The following DMD variants were observed in gnomAD, a reference collection of about 807,000 sequenced individuals.
DMD encodes the protein mutant dystrophin.
A neutral mutation model predicts 330.1 loss-of-function variants in DMD; 63 were observed. That is an observed-to-expected ratio of 0.19 (90% confidence interval 0.16 to 0.24). The LOEUF (loss-of-function observed/expected upper bound fraction) is 0.24. Ranked by LOEUF, DMD falls within the 10% of genes least tolerant of loss-of-function variation. The pLI is 1.00. For synonymous variants in DMD, 1,223 were observed against 959.8 expected (o/e 1.27, Z -5.07); for missense variants, 3,344 against 2,684.1 (o/e 1.25, Z -5.43).
chrX:31,210,711 T>G (rs1284567819), intron 64 of DMD, among the ~76,000 whole-genome samples: 3 of 112,068 alleles, frequency 2.7e-5, no homozygotes, highest in Non-Finnish European at 5.6e-5. Flanking sequence ...ATAAATGTAG[T>G]TCACATAAAT....
In DMD at chrX:31,239,642, G is replaced by A. The variant is rs1346426280; in HGVS notation, c.9287-16521C>T. 2.7e-5 allele frequency among the ~76,000 whole-genome samples: 3 copies of A among 111,659 alleles called. No individual in the cohort carries two copies. In the East Asian group the frequency reaches 8.4e-4, roughly 31 times the overall value. ...TGCTCCCAATTCGAACAGAGGGCCC[G>A]TGAATTTCTTTAACCTTGACAAACA... On this transcript the variant is annotated intron_variant, in intron 63 of 78. Coordinates refer to ENST00000357033, the MANE Select transcript of DMD (RefSeq NM_004006.3).
chrX:33,020,850 C>G (rs1448465509), intron 1 of DMD, among the ~76,000 whole-genome samples: 2 of 110,904 alleles, frequency 1.8e-5, no homozygotes, highest in Non-Finnish European at 3.8e-5. Flanking sequence ...AAAACTATTT[C>G]GGAGCCTTTC....
At chrX:31,149,354 CT>C (rs1180305191) in intron 74 of DMD, among the ~76,000 whole-genome samples, 1 of 112,246 alleles carries the variant, frequency 8.9e-6, no homozygotes, top group Non-Finnish European at 1.9e-5. Flanking sequence ...CACACTCCAG[CT>C]TTAAATCAAT....
chrX:33,113,768 T>C (rs765733870), intron 1 of DMD, among the ~76,000 whole-genome samples: 14 of 111,861 alleles, frequency 1.3e-4, no homozygotes, highest in Admixed American at 1.9e-4. Flanking sequence ...ACTTTTTTTT[T>C]CCCAAAAGAT....
chrX:31,434,409 A>AGCGC (rs1235059344), intron 60 of DMD, among the ~76,000 whole-genome samples: 38 of 61,284 alleles, frequency 6.2e-4, no homozygotes, highest in African/African-American at 2.7e-3. Flanking sequence ...CCCTTACTGC[A>AGCGC]GCGCGCGCGC....
At chrX:31,913,323 A>C (rs1276998850) in intron 47 of DMD, among the ~76,000 whole-genome samples, 1 of 112,239 alleles carries the variant, frequency 8.9e-6, no homozygotes, top group African/African-American at 3.2e-5. Flanking sequence ...TACAGGATTA[A>C]AAAAAACAGC....
intron 7 of DMD, among the ~76,000 whole-genome samples, chrX:32,794,468 G>T (rs1413738462): frequency 1.8e-5 from 2 of 111,119 alleles, no homozygotes; most frequent in African/African-American, 6.6e-5. Flanking sequence ...AGATGCCTGT[G>T]GTCCCAGCTG....
chrX:32,475,866 T>C (rs2041184749), intron 21 of DMD, among the ~76,000 whole-genome samples: 1 of 111,081 alleles, frequency 9.0e-6, no homozygotes, highest in African/African-American at 3.3e-5. Flanking sequence ...GGATGCCCTT[T>C]ATTTCTTTCT....
At chrX:33,051,125 T>C (rs1251037683) in intron 1 of DMD, among the ~76,000 whole-genome samples, 1 of 112,003 alleles carries the variant, frequency 8.9e-6, no homozygotes, top group Non-Finnish European at 1.9e-5. Context: ...CTAATGTTTT[T>C]ATTTGCATAT....
Position 32,075,285 on chromosome X carries a change from G to T in DMD, c.6439-106771C>A, listed in dbSNP as rs1027678627. Among the ~76,000 whole-genome samples, 3 of 112,000 alleles carry T rather than the reference G, an allele frequency of 2.7e-5. No homozygotes were observed. In the Admixed American group the frequency reaches 2.8e-4, roughly 11 times the overall value. ...GGCTGTAAAAATAATTTATCCATAT[G>T]TAGGATTTTTTTCAGTTGGAGAAAG... On this transcript the variant is annotated intron_variant, in intron 44 of 78. Transcript: ENST00000357033.
At chrX:32,909,150 C>CAAAAAAAAA (rs36075436) in intron 2 of DMD, among the ~76,000 whole-genome samples, 3 of 68,230 alleles carry the variant, frequency 4.4e-5, no homozygotes, top group Admixed American at 1.5e-4. Context: ...TCTATATGAG[C>CAAAAAAAAA]AAAAAAAAAA....
intron 76 of DMD, among the ~76,000 whole-genome samples, chrX:31,138,374 G>C (rs1273064306): frequency 9.0e-6 from 1 of 111,542 alleles, no homozygotes; most frequent in Non-Finnish European, 1.9e-5. Context: ...TTATGGGCAT[G>C]AAACAAGCCA....
At chrX:32,818,399 G>T (rs1390198223) in intron 5 of DMD, among the ~76,000 whole-genome samples, 3 of 111,072 alleles carry the variant, frequency 2.7e-5, no homozygotes, top group Non-Finnish European at 5.7e-5. Context: ...ATAATAAAGG[G>T]CAATGTATGA....
intron 55 of DMD, among the ~76,000 whole-genome samples, chrX:31,606,317 T>C (rs1039454319): frequency 5.4e-5 from 6 of 111,855 alleles, no homozygotes; most frequent in African/African-American, 1.9e-4. Flanking sequence ...ACTAATACAG[T>C]AGCTTTGTTT....
chrX:31,473,494 G>A (rs1445826387), intron 59 of DMD, among the ~76,000 whole-genome samples: 1 of 109,959 alleles, frequency 9.1e-6, no homozygotes, highest in African/African-American at 3.3e-5. Context: ...GGCCAAGGTG[G>A]GCGGATCACG....
chrX:31,139,380 G>T (rs1424250645), intron 76 of DMD, among the ~76,000 whole-genome samples: 7 of 110,493 alleles, frequency 6.3e-5, no homozygotes, highest in Admixed American at 2.9e-4. Flanking sequence ...GATTATAGCA[G>T]CGCAATTCAT....
intron 44 of DMD, among the ~76,000 whole-genome samples, chrX:32,054,998 G>A (rs950180772): frequency 2.7e-5 from 3 of 110,996 alleles, no homozygotes; most frequent in Admixed American, 9.6e-5. Context: ...GTGCAAAAAC[G>A]TTAAGAACGA....
chrX:32,513,680 A>G (rs1260274138), intron 18 of DMD, among the ~76,000 whole-genome samples: 1 of 111,973 alleles, frequency 8.9e-6, no homozygotes, highest in Non-Finnish European at 1.9e-5. Context: ...TCAGGCAAAC[A>G]TCAATTAAAA....
chrX:32,652,989 G>A (rs1470321938), intron 9 of DMD, among the ~76,000 whole-genome samples: 1 of 111,560 alleles, frequency 9.0e-6, no homozygotes, highest in African/African-American at 3.3e-5. Context: ...CATATCCTTT[G>A]CCCACTTTTT....
Sources: gnomAD v4.1 joint callset for allele counts (sites outside exome capture counted in the v4.1 genomes callset) on GRCh38, gnomAD v4.1.1 for gene constraint, MANE v1.5 for transcripts, NCBI Gene and HGNC (gene_info 2026-07-23, HGNC 2026-07-21) for gene names.